The following EPM2A variants were observed in gnomAD, a reference collection of about 807,000 sequenced individuals.
EPM2A encodes EPM2A glucan phosphatase, laforin.
In EPM2A, 21 loss-of-function variants were observed where a neutral mutation model predicts 26.5. The observed-to-expected ratio is 0.79, with a 90% confidence interval of 0.56 to 1.14. EPM2A has a LOEUF of 1.14. EPM2A is among the 50% of genes most tolerant of loss of function. EPM2A has a pLI of 0.00. For synonymous variants in EPM2A, 217 were observed against 177.6 expected, an observed-to-expected ratio of 1.22 and a Z score of -1.76; for missense variants, 458 against 440.8, an observed-to-expected ratio of 1.04 and a Z score of -0.35.
At chr6:145,456,159 T>A (rs2114712682) in intron 4 of EPM2A, among the ~76,000 whole-genome samples, 1 of 152,340 alleles carries the variant, frequency 6.6e-6, no homozygotes, top group East Asian at 1.9e-4. Context: ...AAGTGATTTA[T>A]GAGGTAGAAG....
downstream of EPM2A, among the ~76,000 whole-genome samples, chr6:145,621,673 C>T (rs118056867): frequency 7.9e-4 from 119 of 150,854 alleles, no homozygotes; most frequent in East Asian, 0.017. Flanking sequence ...TGGTTTTAAA[C>T]AGTATTTCCC....
intron 4 of EPM2A, among the ~76,000 whole-genome samples, chr6:145,462,300 C>T (rs1779336685): frequency 1.3e-5 from 2 of 152,214 alleles, no homozygotes; most frequent in South Asian, 4.1e-4. Flanking sequence ...CGTGTGTTTG[C>T]ATGTTGCAGG....
At chr6:145,577,602 T>C (rs1368630226) in intron 2 of EPM2A, among the ~76,000 whole-genome samples, 1 of 150,600 alleles carries the variant, frequency 6.6e-6, no homozygotes, top group Non-Finnish European at 1.5e-5. Flanking sequence ...CAATAATAGT[T>C]AAGAACTCTA....
intron 2 of EPM2A, among the ~76,000 whole-genome samples, chr6:145,544,258 G>C: frequency 6.6e-6 from 1 of 152,170 alleles, no homozygotes; most frequent in Non-Finnish European, 1.5e-5. Flanking sequence ...CGCATTGGCT[G>C]CTGGCAGAGG....
At chr6:145,468,058 C>T (rs186968579) in intron 4 of EPM2A, among the ~76,000 whole-genome samples, 13 of 151,938 alleles carry the variant, frequency 8.6e-5, no homozygotes, top group East Asian at 1.9e-4. Flanking sequence ...TTAATCCTTG[C>T]GTAACCAATG....
At chr6:145,667,953 G>C (rs1433392992) in intron 2 of EPM2A, among the ~76,000 whole-genome samples, 1 of 147,238 alleles carries the variant, frequency 6.8e-6, no homozygotes, top group Non-Finnish European at 1.5e-5. Flanking sequence ...TCATAGGTGG[G>C]AATTAAACAA....
chr6:145,565,437 T>TA (rs904387068), intron 2 of EPM2A, among the ~76,000 whole-genome samples: 8 of 151,364 alleles, frequency 5.3e-5, no homozygotes, highest in South Asian at 2.1e-4. Context: ...CTTTAGGTAG[T>TA]AAAAAAAAAT....
At chr6:145,509,054 A>T (rs1353330270) in intron 2 of EPM2A, among the ~76,000 whole-genome samples, 5 of 152,200 alleles carry the variant, frequency 3.3e-5, no homozygotes, top group African/African-American at 4.8e-5. Flanking sequence ...AATTATTTTT[A>T]AAAAATTAAC....
intron 2 of EPM2A, among the ~76,000 whole-genome samples, chr6:145,680,817 G>C (rs1178449540): frequency 7.3e-6 from 1 of 136,442 alleles, no homozygotes; most frequent in Admixed American, 7.5e-5. Context: ...TTGGTTCCAA[G>C]TCTTTGCTAT....
intron 2 of EPM2A, among the ~76,000 whole-genome samples, chr6:145,509,866 G>A (rs1354255507): frequency 1.3e-5 from 2 of 151,994 alleles, no homozygotes; most frequent in East Asian, 1.9e-4. Context: ...AAACCCATAG[G>A]CTCAAAGTAA....
At chr6:145,594,387 T>C (rs1781313067) in intron 2 of EPM2A, among the ~76,000 whole-genome samples, 2 of 151,914 alleles carry the variant, frequency 1.3e-5, no homozygotes, top group Non-Finnish European at 2.9e-5. Flanking sequence ...CAGTAAGAAA[T>C]GATACTAATT....
intron 2 of EPM2A, among the ~76,000 whole-genome samples, chr6:145,678,223 A>G (rs1070518): frequency 0.72 from 110,171 of 152,026 alleles, 40,465 homozygotes; most frequent in African/African-American, 0.82. Context: ...ACTGGCTAGC[A>G]GTATGTAGAA....
rs1775836101 is a variant in EPM2A, at chr6:145,626,714, C to A, written c.*702G>T. ...CTATGCTCATTAAGCCTCAATTTAA[C>A]TTCTTGACATCTCAACTATAAAAAA... On this transcript the variant is annotated 3_prime_UTR_variant, in exon 4 of 4. Transcript: ENST00000367519. The A allele has an allele frequency of 2.0e-6, 2 of 985,858 alleles. No homozygotes were observed. The highest frequency in any genetic ancestry group is 2.4e-6 in the Non-Finnish European group (2 of 830,336). The allele number at this position is 985,858 out of a possible 1,614,324, so 61.1% of individuals were successfully genotyped here. A position where few individuals can be genotyped will look rare whatever the true frequency, so the allele number is the denominator to read the frequency against.
intron 1 of EPM2A, among the ~76,000 whole-genome samples, chr6:145,707,031 T>C (rs367995307): frequency 3.9e-5 from 6 of 152,190 alleles, no homozygotes; most frequent in African/African-American, 1.4e-4. Context: ...CAAGAAGGTA[T>C]TATTTTGGAA....
At chr6:145,508,504 C>T (rs529312303) in intron 2 of EPM2A, among the ~76,000 whole-genome samples, 24 of 152,232 alleles carry the variant, frequency 1.6e-4, no homozygotes, top group African/African-American at 5.8e-4. Flanking sequence ...TGAAAGCACC[C>T]AGAAACAAGG....
chr6:145,554,875 G>A (rs1193284497), intron 2 of EPM2A, among the ~76,000 whole-genome samples: 2 of 152,076 alleles, frequency 1.3e-5, no homozygotes, highest in Non-Finnish European at 2.9e-5. Context: ...GTTGGAAACT[G>A]ATTGTGCAGT....
intron 2 of EPM2A, among the ~76,000 whole-genome samples, chr6:145,607,425 G>A (rs933389255): frequency 6.6e-6 from 1 of 152,094 alleles, no homozygotes. Flanking sequence ...TTGCATTCTG[G>A]AGAACATAAT....
chr6:145,626,562 G>A lies in EPM2A; in HGVS notation c.*854C>T, dbSNP rs1415495785. 1 of 985,690 alleles carries A rather than the reference G, an allele frequency of 1.0e-6. No individual in the cohort carries two copies. The highest frequency in any genetic ancestry group is 1.2e-6 in the Non-Finnish European group (1 of 829,962). The allele number at this position is 985,690 out of a possible 1,614,324, so 61.1% of individuals were successfully genotyped here. On this transcript the variant is annotated 3_prime_UTR_variant, in exon 4 of 4. Coordinates refer to ENST00000367519, the MANE Select transcript of EPM2A (RefSeq NM_005670.4). ...GGCATATTGACTATACCCTGAGAAA[G>A]ACAAAACTAAATGCACTACATGATG...
At chr6:145,569,402 T>A (rs1373693852) in intron 2 of EPM2A, among the ~76,000 whole-genome samples, 1 of 152,200 alleles carries the variant, frequency 6.6e-6, no homozygotes, top group East Asian at 1.9e-4. Context: ...GAATCAGGCA[T>A]CGGATTACAA....
Sources: allele counts gnomAD v4.1 joint callset (sites outside exome capture counted in the v4.1 genomes callset), GRCh38; gene constraint gnomAD v4.1.1; transcripts MANE v1.5; gene names NCBI Gene and HGNC (gene_info 2026-07-23, HGNC 2026-07-21).